Variants in KCNMA1 observed in about 807,000 individuals in gnomAD.
KCNMA1 encodes the protein Calcium-activated potassium channel subunit alpha-1.
KCNMA1 carries 29 observed loss-of-function variants against 140.0 expected under a neutral mutation model. That is an observed-to-expected ratio of 0.21 (90% CI 0.15 to 0.28). The LOEUF is 0.28. Ranked by LOEUF, KCNMA1 falls within the 10% of genes least tolerant of loss-of-function variation. KCNMA1 has a pLI of 1.00. For synonymous variants in KCNMA1, 612 were observed against 611.9 expected (o/e 1.00, Z 0.00); for missense variants, 880 against 1,602.2 (o/e 0.55, Z 7.70).
chr10:77,284,610 T>C (rs958867415), intron 2 of KCNMA1, among the ~76,000 whole-genome samples: 3 of 151,880 alleles, frequency 2.0e-5, no homozygotes, highest in African/African-American at 4.8e-5. Context: ...ACCTCCCAGG[T>C]TCAAGCGATT....
At chr10:77,349,535 C>T (rs1332314911) in intron 2 of KCNMA1, among the ~76,000 whole-genome samples, 1 of 152,178 alleles carries the variant, frequency 6.6e-6, no homozygotes, top group Non-Finnish European at 1.5e-5. Context: ...GCTCCCAACC[C>T]ACTGGGTGAG....
intron 1 of KCNMA1, among the ~76,000 whole-genome samples, chr10:77,517,798 G>A (rs932202509): frequency 3.3e-5 from 5 of 152,166 alleles, no homozygotes; most frequent in Non-Finnish European, 4.4e-5. Flanking sequence ...TTCCTAGGGT[G>A]TAGAACTGAA....
chr10:77,410,454 G>A (rs1173284805), intron 1 of KCNMA1, among the ~76,000 whole-genome samples: 1 of 152,238 alleles, frequency 6.6e-6, no homozygotes, highest in African/African-American at 2.4e-5. Context: ...AAGCCTTGAA[G>A]CTCCAAGTCT....
chr10:77,156,832 TC>T (rs1300429406), intron 5 of KCNMA1, among the ~76,000 whole-genome samples: 4 of 152,122 alleles, frequency 2.6e-5, no homozygotes, highest in African/African-American at 9.7e-5. Context: ...AGTCCTGTGG[TC>T]CCCACCCAGA....
intron 5 of KCNMA1, among the ~76,000 whole-genome samples, chr10:77,128,865 C>A (rs2097795106): frequency 6.6e-6 from 1 of 152,206 alleles, no homozygotes; most frequent in African/African-American, 2.4e-5. Context: ...CAGATTCTGA[C>A]TCAGTGGGTC....
At chr10:77,172,728 G>A (rs142501343) in intron 5 of KCNMA1, among the ~76,000 whole-genome samples, 7 of 151,424 alleles carry the variant, frequency 4.6e-5, no homozygotes, top group African/African-American at 1.7e-4. Context: ...CAAGCCAAGA[G>A]TAGAGCCCCA....
chr10:77,502,260 A>T (rs2119058), intron 1 of KCNMA1, among the ~76,000 whole-genome samples: 2 of 152,150 alleles, frequency 1.3e-5, no homozygotes, highest in Non-Finnish European at 2.9e-5. Context: ...CCTTTTCTTC[A>T]TAGCATTTCC....
At chr10:77,311,350 C>T (rs574608640) in intron 2 of KCNMA1, among the ~76,000 whole-genome samples, 2 of 152,212 alleles carry the variant, frequency 1.3e-5, no homozygotes, top group South Asian at 4.2e-4. Context: ...TTGGGGAGAG[C>T]GAACTCATAC....
chr10:77,371,659 T>G (rs1184663215), intron 2 of KCNMA1, among the ~76,000 whole-genome samples: 1 of 152,170 alleles, frequency 6.6e-6, no homozygotes, highest in Non-Finnish European at 1.5e-5. Context: ...GTCCCCTCAT[T>G]GCAACCTCAC....
At position 77,488,851 on chromosome 10, in the gene KCNMA1, A is replaced by G. The variant is rs1468448500; in HGVS notation, c.379-84828T>C. Among the ~76,000 whole-genome samples, 4 of 152,364 alleles carry G rather than the reference A, an allele frequency of 2.6e-5. No homozygotes were observed. The East Asian group carries it at 5.8e-4, about 22-fold the overall frequency. ...TCCAGACTTGGTTTTCCAGGGCCAT[A>G]GGTCACCTGCTGACACTTCATTTAA... On this transcript the variant is annotated intron_variant, in intron 1 of 27. Coordinates refer to ENST00000286628, the MANE Select transcript of KCNMA1 (RefSeq NM_001161352.2).
At chr10:77,017,876 G>A (rs1049160589) in intron 17 of KCNMA1, among the ~76,000 whole-genome samples, 11 of 43,686 alleles carry the variant, frequency 2.5e-4, no homozygotes, top group Admixed American at 8.7e-4. Context: ...ATGGGGTTGC[G>A]TGAGAGTTTA....
chr10:76,979,339 T>C (rs1220763894), intron 19 of KCNMA1, among the ~76,000 whole-genome samples: 2 of 152,196 alleles, frequency 1.3e-5, no homozygotes, highest in African/African-American at 4.8e-5. Context: ...AGAGCTGGGG[T>C]CAGGTCTCTC....
At chr10:76,940,840 A>T (rs2061738946) in intron 23 of KCNMA1, among the ~76,000 whole-genome samples, 1 of 151,330 alleles carries the variant, frequency 6.6e-6, no homozygotes, top group Non-Finnish European at 1.5e-5. Flanking sequence ...ACGCACCTGT[A>T]ATCCCAGCTA....
At chr10:77,442,646 A>G (rs1391532310) in intron 1 of KCNMA1, among the ~76,000 whole-genome samples, 2 of 152,160 alleles carry the variant, frequency 1.3e-5, no homozygotes, top group Non-Finnish European at 1.5e-5. Context: ...AAAGGTTGTC[A>G]TCTAGAGCCT....
At chr10:76,978,492 A>G (rs1392677619) in intron 19 of KCNMA1, 1 of 152,212 alleles carries the variant, frequency 6.6e-6, no homozygotes, top group Admixed American at 6.5e-5. Context: ...AGTGCTTAAT[A>G]GATACAAGCA....
intron 1 of KCNMA1, among the ~76,000 whole-genome samples, chr10:77,595,457 C>T (rs1186622588): frequency 1.3e-5 from 2 of 151,940 alleles, no homozygotes; most frequent in Admixed American, 6.6e-5. Context: ...AGATGTACCC[C>T]GGCACATGGA....
At chr10:76,921,117 T>C (rs559421196) in intron 23 of KCNMA1, among the ~76,000 whole-genome samples, 13 of 152,228 alleles carry the variant, frequency 8.5e-5, no homozygotes, top group African/African-American at 2.9e-4. Context: ...CCGATAGACT[T>C]AACATAAAGG....
rs2096036226 is a variant in KCNMA1 at position 77,395,963 on chromosome 10, A to G, written c.540+7899T>C. Among the ~76,000 whole-genome samples, 5 of 152,232 alleles carry G rather than the reference A, an allele frequency of 3.3e-5. 1 individual carries two copies. The South Asian group carries it at 1.0e-3, about 32-fold the overall frequency. On this transcript the variant is annotated intron_variant, in intron 2 of 27. Coordinates refer to ENST00000286628, the MANE Select transcript of KCNMA1 (RefSeq NM_001161352.2). ...ATAAAGACAAAATTTCATGTTTAAT[A>G]GTAAAAAAAGAATGTATCTTCTTTG...
chr10:77,400,779 C>T (rs1476963648), intron 2 of KCNMA1, among the ~76,000 whole-genome samples: 1 of 152,074 alleles, frequency 6.6e-6, no homozygotes, highest in East Asian at 1.9e-4. Context: ...CGACATTGTC[C>T]TTCCCCTTCA....
Sources: gnomAD v4.1 joint callset for allele counts (sites outside exome capture counted in the v4.1 genomes callset) on GRCh38, gnomAD v4.1.1 for gene constraint, MANE v1.5 for transcripts, NCBI Gene and HGNC (gene_info 2026-07-23, HGNC 2026-07-21) for gene names.